The following MOB1A variants were observed in gnomAD, a reference collection of about 807,000 sequenced individuals.
The protein encoded by MOB1A is MOB kinase activator 1A, also known as MOB1 Mps One Binder homolog A.
Under a neutral mutation model 25.1 loss-of-function variants are expected in MOB1A, and 10 were observed. That is an observed-to-expected ratio of 0.40 (90% CI 0.25 to 0.68). MOB1A has a LOEUF of 0.68. Among genes scored for constraint, MOB1A ranks in the 30% least tolerant of loss-of-function variants. MOB1A has a pLI of 0.40. For missense variants in MOB1A, 177 were observed against 256.3 expected, an observed-to-expected ratio of 0.69 and a Z score of 2.11; for synonymous variants, 81 against 79.5, an observed-to-expected ratio of 1.02 and a Z score of -0.10.
rs1692741952 is a variant in MOB1A at position 74,154,239 on chromosome 2, G to A, written c.*2329C>T. ...TGATTTCGTCAAACTGTTATCAAAG[G>A]TTGGCCCTCTAGCCAACTCAGGAAG... On this transcript the variant is annotated 3_prime_UTR_variant, in exon 6 of 6. Transcript: ENST00000396049. 1 of 150,818 alleles carries A rather than the reference G, an allele frequency of 6.6e-6. No individual in the cohort carries two copies. Among genetic ancestry groups the A allele is most frequent in the Non-Finnish European group, 1.5e-5 (1 of 67,936 alleles). The allele number at this position is 150,818 out of a possible 1,614,324, so 9.3% of individuals were successfully genotyped here. A position where few individuals can be genotyped will look rare whatever the true frequency, so the allele number is the denominator to read the frequency against.
At chr2:74,168,990 A>G (rs1693208320) in intron 2 of MOB1A, among the ~76,000 whole-genome samples, 2 of 152,154 alleles carry the variant, frequency 1.3e-5, no homozygotes, top group Non-Finnish European at 2.9e-5. Context: ...AGAGGGCACA[A>G]TGGTGTTTTC....
intron 2 of MOB1A, among the ~76,000 whole-genome samples, chr2:74,172,076 A>G (rs1462381473): frequency 6.6e-6 from 1 of 152,164 alleles, no homozygotes; most frequent in African/African-American, 2.4e-5. Flanking sequence ...GTCCCATGTC[A>G]TGCACTTGTT....
rs990380287 is a variant in MOB1A, at chr2:74,159,244, A to G, written c.420T>C (p.Phe140=). 1 of 1,612,870 alleles carries G rather than the reference A, an allele frequency of 6.2e-7. No homozygotes were observed. Among genetic ancestry groups the G allele is most frequent in the Non-Finnish European group, 8.5e-7 (1 of 1,179,606 alleles). Residue 140 remains phenylalanine, a synonymous_variant, in exon 5 of 6, where the codon TTT becomes TTC. Coordinates refer to ENST00000396049, the MANE Select transcript of MOB1A (RefSeq NM_018221.5). ...TLFPSKIGVP[F]PKNFMSVAKT... is the part of the protein sequence containing the mutation. The stretch of plus-strand genomic sequence containing the variant: ...TTGCCACAGACATAAAGTTTTTGGG[A>G]AATGGGACACCTGCAATTAAATACA...
At chr2:74,157,709 A>G (rs576991841) in intron 5 of MOB1A, among the ~76,000 whole-genome samples, 1 of 152,264 alleles carries the variant, frequency 6.6e-6, no homozygotes, top group African/African-American at 2.4e-5. Context: ...GACAGTCCCC[A>G]TGTTTGGTCA....
chr2:74,174,456 C>T (rs1042510010), intron 1 of MOB1A, among the ~76,000 whole-genome samples: 2 of 151,814 alleles, frequency 1.3e-5, no homozygotes, highest in Non-Finnish European at 2.9e-5. Flanking sequence ...AAGAAAATGG[C>T]GCAGGGAGGT....
chr2:74,172,672 G>A lies in MOB1A; in HGVS notation c.95C>T (p.Ala32Val). The change falls in exon 2 of 6, where the codon GCA (alanine) becomes GTA (valine). Residue 32 changes from alanine to valine, a missense_variant. By Grantham distance (64) the Ala-to-Val change is moderately conservative (BLOSUM62 0). Transcript: ENST00000396049. ...GSHQYELLKH[A>V]EATLGSGNLR... is the part of the protein sequence containing the mutation. ...ATTCCCACTTCCTAGAGTTGCTTCT[G>A]CATGTTTTAAGAGTTCATACTGATG... 1 of 1,613,862 alleles carries A rather than the reference G, an allele frequency of 6.2e-7. No homozygotes were observed. The highest frequency in any genetic ancestry group is 8.5e-7 in the Non-Finnish European group (1 of 1,179,830).
chr2:74,160,495 C>G (rs112221977), intron 4 of MOB1A, among the ~76,000 whole-genome samples: 107 of 152,024 alleles, frequency 7.0e-4, no homozygotes, highest in African/African-American at 2.5e-3. Flanking sequence ...CCAGCCTGGC[C>G]AAAGAGACCA....
intron 3 of MOB1A, among the ~76,000 whole-genome samples, chr2:74,166,684 A>G (rs1693138175): frequency 6.6e-6 from 1 of 152,168 alleles, no homozygotes; most frequent in African/African-American, 2.4e-5. Context: ...AAAAATGCAC[A>G]AATTAGCTGG....
intron 1 of MOB1A, among the ~76,000 whole-genome samples, chr2:74,177,102 CA>C (rs1327655776): frequency 4.0e-5 from 6 of 151,884 alleles, no homozygotes; most frequent in African/African-American, 1.4e-4. Flanking sequence ...CATCTGAGGT[CA>C]GGAGTTCGAG....
chr2:74,156,710 T>A, intron 5 of MOB1A, 65 bp from the exon 6 acceptor site: 1 of 1,180,228 alleles, frequency 8.5e-7, no homozygotes, highest in Middle Eastern at 1.9e-4. Flanking sequence ...AAATGTCTTT[T>A]GGAGAAGGGA....
chr2:74,162,670 T>C (rs1693006861), intron 4 of MOB1A, among the ~76,000 whole-genome samples: 1 of 152,178 alleles, frequency 6.6e-6, no homozygotes, highest in African/African-American at 2.4e-5. Flanking sequence ...AAAGGTTTAA[T>C]AGCAGAATGG....
intron 4 of MOB1A, 140 bp downstream of exon 4, chr2:74,165,078 G>A: frequency 2.0e-6 from 1 of 506,378 alleles, no homozygotes; most frequent in Non-Finnish European, 3.3e-6. Context: ...CCAGCACTGT[G>A]GGAGGCCAAG....
At chr2:74,169,035 T>C (rs1167262014) in intron 2 of MOB1A, among the ~76,000 whole-genome samples, 1 of 152,196 alleles carries the variant, frequency 6.6e-6, no homozygotes, top group Non-Finnish European at 1.5e-5. Flanking sequence ...CACAACAGAC[T>C]GAATACAGAA....
Position 74,168,515 on chromosome 2 carries a change from C to T in MOB1A, c.182-1408G>A, listed in dbSNP as rs1055263067. Among the ~76,000 whole-genome samples the T allele has an allele frequency of 4.6e-5, 7 of 152,240 alleles. No individual in the cohort carries two copies. The East Asian group carries it at 5.8e-4, about 13-fold the overall frequency. Reference sequence around the variant, plus strand: ...AAAATTAGTTAGCCATGGTGGCACACGCCTGTAGTCCCAGCTACTCAGGAC... The same window carrying T: ...AAAATTAGTTAGCCATGGTGGCACATGCCTGTAGTCCCAGCTACTCAGGAC... On this transcript the variant is annotated intron_variant, in intron 2 of 5. Coordinates refer to ENST00000396049, the MANE Select transcript of MOB1A (RefSeq NM_018221.5).
chr2:74,166,932 C>A lies in MOB1A; in HGVS notation c.275+82G>T, dbSNP rs1015172766. 4.0e-6 allele frequency: 4 copies of A among 1,012,654 alleles called. No homozygotes were observed. In the African/African-American group the frequency reaches 6.5e-5, roughly 16 times the overall value. The allele number at this position is 1,012,654 out of a possible 1,614,324, so 62.7% of individuals were successfully genotyped here. A position where few individuals can be genotyped will look rare whatever the true frequency, so the allele number is the denominator to read the frequency against. ...GAATCACCTTCACACAAACGGATAA[C>A]AAATCTTAACTGTTTAATTTCTATC... On this transcript the variant is annotated intron_variant, in intron 3 of 5. Coordinates refer to ENST00000396049, the MANE Select transcript of MOB1A (RefSeq NM_018221.5).
At chr2:74,165,996 T>C (rs1300865203) in intron 3 of MOB1A, among the ~76,000 whole-genome samples, 2 of 152,112 alleles carry the variant, frequency 1.3e-5, no homozygotes, top group African/African-American at 2.4e-5. Flanking sequence ...TACAAACTCA[T>C]TAGGGATCTT....
chr2:74,178,322 T>C (rs866052105), intron 1 of MOB1A: 4 of 216,508 alleles, frequency 1.8e-5, no homozygotes, highest in Non-Finnish European at 3.6e-5. Context: ...GGACGGTTTC[T>C]AGAAGCTCGA....
chr2:74,165,408 G>T, intron 3 of MOB1A, 57 bp from the exon 4 acceptor site: 1 of 1,130,438 alleles, frequency 8.8e-7, no homozygotes, highest in Non-Finnish European at 1.2e-6. Context: ...AAATGTGCAA[G>T]TTGTGATTAA....
At chr2:74,162,040 T>C (rs145658157) in intron 4 of MOB1A, among the ~76,000 whole-genome samples, 1 of 152,320 alleles carries the variant, frequency 6.6e-6, no homozygotes, top group African/African-American at 2.4e-5. Flanking sequence ...AGGATATTAA[T>C]AATGTGCATA....
Sources: gnomAD v4.1 joint callset for allele counts (sites outside exome capture counted in the v4.1 genomes callset) on GRCh38, gnomAD v4.1.1 for gene constraint, MANE v1.5 for transcripts, NCBI Gene and HGNC (gene_info 2026-07-23, HGNC 2026-07-21) for gene names.